The following ARG2 variants were observed in gnomAD, a reference collection of about 807,000 sequenced individuals.
ARG2 encodes the protein arginase-2, mitochondrial.
Under a neutral mutation model 39.4 loss-of-function variants are expected in ARG2, and 21 were observed. The ratio of observed to expected loss-of-function variants is 0.53; its 90% CI spans 0.38 to 0.77. ARG2 has a LOEUF of 0.77. ARG2 is among the 30% of genes least tolerant of loss of function. The pLI, the probability that ARG2 is intolerant of heterozygous loss-of-function variation, is 0.00. For synonymous variants in ARG2, 150 were observed against 156.7 expected, an observed-to-expected ratio of 0.96 and a Z score of 0.32; for missense variants, 378 against 426.2, an observed-to-expected ratio of 0.89 and a Z score of 1.00.
chr14:67,638,602 A>T (rs1410147816), intron 2 of ARG2, among the ~76,000 whole-genome samples: 1 of 152,188 alleles, frequency 6.6e-6, no homozygotes, highest in Non-Finnish European at 1.5e-5. Flanking sequence ...CCTGGCACTG[A>T]AACTGTGCAA....
In ARG2 at chr14:67,648,153, A is replaced by G; in HGVS notation, c.829A>G (p.Met277Val). ...CGGGGGACTAACCTATCGAGAAGGC[A>G]TGTATATTGCTGAGGAAATACACAA... is the stretch of plus-strand genomic sequence containing the variant. The part of the protein sequence containing the change: ...VVGGLTYREG[M>V]YIAEEIHNTG... The change falls in exon 7 of 8, where the codon ATG (methionine) becomes GTG (valine). Residue 277 changes from methionine to valine, a missense_variant. Coordinates refer to ENST00000261783, the MANE Select transcript of ARG2 (RefSeq NM_001172.4). The G allele has an allele frequency of 6.2e-7, 1 of 1,614,060 alleles. No homozygotes were observed.
At chr14:67,635,334 C>A (rs964480886) in intron 2 of ARG2, among the ~76,000 whole-genome samples, 1 of 152,136 alleles carries the variant, frequency 6.6e-6, no homozygotes, top group East Asian at 1.9e-4. Context: ...TTGGTAGTAA[C>A]CAAATGAGTT....
chr14:67,647,968 C>A, intron 6 of ARG2, 79 bp from the exon 7 acceptor site: 1 of 1,378,478 alleles, frequency 7.3e-7, no homozygotes. Flanking sequence ...CAAGGAGTTG[C>A]AACCATAAGA....
intron 3 of ARG2, among the ~76,000 whole-genome samples, chr14:67,642,793 C>CTTTTTTTTTTTTTTTTTTTTTTTTTTTTT (rs869215946): frequency 2.6e-5 from 2 of 75,554 alleles, no homozygotes; most frequent in Non-Finnish European, 4.6e-5. Context: ...ACTACATTTT[C>CTTTTTTTTTTTTTTTTTTTTTTTTTTTTT]TTTTTTTTTT....
intron 2 of ARG2, 49 bp downstream of exon 2, chr14:67,621,015 C>T (rs779729175): frequency 6.4e-7 from 1 of 1,551,342 alleles, no homozygotes; most frequent in Non-Finnish European, 8.9e-7. Flanking sequence ...TAATAGACCA[C>T]TTCAGAGTCT....
intron 2 of ARG2, among the ~76,000 whole-genome samples, chr14:67,639,693 G>C (rs1033391108): frequency 4.6e-5 from 7 of 152,114 alleles, no homozygotes; most frequent in Non-Finnish European, 8.8e-5. Flanking sequence ...GGCCGAGGCA[G>C]GTGGATCACT....
intron 2 of ARG2, among the ~76,000 whole-genome samples, chr14:67,622,423 T>C (rs930744135): frequency 2.0e-5 from 3 of 152,282 alleles, no homozygotes; most frequent in East Asian, 1.9e-4. Flanking sequence ...CACCTACATA[T>C]GGATATGGTG....
chr14:67,620,180 A>T lies in ARG2; in HGVS notation c.111+92A>T, dbSNP rs919973590. ...GTAGGGTGCGGGGGACCGGGAGGCG[A>T]GGAGAGGATGGGGAGAAATGGCGAG... On this transcript the variant is annotated intron_variant, in intron 1 of 7. Transcript: ENST00000261783. 3.7e-6 allele frequency: 3 copies of T among 814,258 alleles called. No homozygotes were observed. In the Admixed American group the frequency reaches 9.5e-5, roughly 26 times the overall value. 50.4% of individuals were successfully genotyped at this position (814,258 alleles called of 1,614,324 possible).
chr14:67,642,439 T>C, intron 3 of ARG2, 76 bp downstream of exon 3: 1 of 1,502,996 alleles, frequency 6.7e-7, no homozygotes, highest in Admixed American at 2.1e-5. Flanking sequence ...TCTTTATCTG[T>C]TTCTTCATCT....
intron 4 of ARG2, chr14:67,646,346 G>A: frequency 2.7e-6 from 1 of 364,062 alleles, no homozygotes; most frequent in Non-Finnish European, 5.0e-6. Context: ...ATGTGCAATG[G>A]GATAGAAAAG....
At position 67,624,368 on chromosome 14, in the gene ARG2, G is replaced by A. The variant is rs189123142; in HGVS notation, c.184+3402G>A. Among the ~76,000 whole-genome samples the A allele has an allele frequency of 3.3e-3, 504 of 152,308 alleles. 1 individual carries two copies. The highest frequency in any genetic ancestry group is 5.8e-3 in the Non-Finnish European group (394 of 68,020). On this transcript the variant is annotated intron_variant, in intron 2 of 7. Coordinates refer to ENST00000261783, the MANE Select transcript of ARG2 (RefSeq NM_001172.4). ...ATGAGAACTGTATTAGTCTGTTCTT[G>A]TACTTTTGTAAAGACATACCTGAGA...
chr14:67,632,983 G>T (rs1344472771), intron 2 of ARG2, among the ~76,000 whole-genome samples: 1 of 151,620 alleles, frequency 6.6e-6, no homozygotes. Flanking sequence ...ACCACGCCCG[G>T]CTAATTTTTC....
At chr14:67,649,844 A>G (rs192169736) in intron 7 of ARG2, 7 of 152,318 alleles carry the variant, frequency 4.6e-5, no homozygotes, top group African/African-American at 1.7e-4. Flanking sequence ...CCTGAATACT[A>G]GCTTGTTCAG....
Position 67,651,576 on chromosome 14 carries a change from C to A in ARG2, c.*656C>A. The A allele has an allele frequency of 7.2e-7, 1 of 1,391,570 alleles. No individual in the cohort carries two copies. The highest frequency in any genetic ancestry group is 1.4e-5 in the South Asian group (1 of 72,948). 86.2% of individuals were successfully genotyped at this position (1,391,570 alleles called of 1,614,324 possible). A position where few individuals can be genotyped will look rare whatever the true frequency, so the allele number is the denominator to read the frequency against. Reference sequence around the variant, plus strand: ...AGACCTGGGACCACGGCTGGATACTCTGAGGCTGTATGTTTGATCACACAG... The same window carrying A: ...AGACCTGGGACCACGGCTGGATACTATGAGGCTGTATGTTTGATCACACAG... On this transcript the variant is annotated 3_prime_UTR_variant, in exon 8 of 8. Coordinates refer to ENST00000261783, the MANE Select transcript of ARG2 (RefSeq NM_001172.4).
chr14:67,636,209 T>G (rs1237100872), intron 2 of ARG2, among the ~76,000 whole-genome samples: 1 of 151,862 alleles, frequency 6.6e-6, no homozygotes, highest in Non-Finnish European at 1.5e-5. Context: ...CTATGAGCCC[T>G]GGTAGCAACA....
chr14:67,642,190 C>T lies in ARG2; in HGVS notation c.189C>T (p.Cys63=), dbSNP rs1242066067. 1.9e-6 allele frequency: 3 copies of T among 1,612,826 alleles called. No homozygotes were observed. Among genetic ancestry groups the T allele is most frequent in the Admixed American group, 1.7e-5 (1 of 59,964 alleles). Residue 63 remains cysteine (C), a synonymous_variant, in exon 3 of 8, where the codon TGC becomes TGT. Transcript: ENST00000261783. ...GLMKRLSSLG[C]HLKDFGDLSF... is the part of the protein sequence containing the mutation. Reference sequence around the variant, plus strand: ...TCATCCCTCATTTGCTTCCAGGCTGCCACCTAAAAGACTTTGGAGATTTGA... The same window carrying T: ...TCATCCCTCATTTGCTTCCAGGCTGTCACCTAAAAGACTTTGGAGATTTGA...
intron 2 of ARG2, among the ~76,000 whole-genome samples, chr14:67,638,556 C>G (rs2036996722): frequency 6.6e-6 from 1 of 152,152 alleles, no homozygotes; most frequent in Non-Finnish European, 1.5e-5. Flanking sequence ...GTGAACTTCC[C>G]CTGACTCCTT....
intron 4 of ARG2, among the ~76,000 whole-genome samples, chr14:67,646,094 C>G (rs1406160752): frequency 6.6e-6 from 1 of 152,228 alleles, no homozygotes; most frequent in Admixed American, 6.5e-5. Flanking sequence ...CTCAGACACA[C>G]TGATCTAGAA....
At chr14:67,620,553 C>T (rs936592242) in intron 1 of ARG2, among the ~76,000 whole-genome samples, 1 of 152,146 alleles carries the variant, frequency 6.6e-6, no homozygotes, top group Non-Finnish European at 1.5e-5. Flanking sequence ...TTGGAGCTGG[C>T]CTCTCCAGCG....
Sources: allele counts gnomAD v4.1 joint callset (sites outside exome capture counted in the v4.1 genomes callset), GRCh38; gene constraint gnomAD v4.1.1; transcripts MANE v1.5; gene names NCBI Gene and HGNC (gene_info 2026-07-23, HGNC 2026-07-21).